Variants in CD46 observed in about 807,000 individuals in gnomAD.
The protein encoded by CD46 is membrane cofactor protein.
CD46 carries 30 observed loss-of-function variants against 53.3 expected under a neutral mutation model. The ratio of observed to expected loss-of-function variants is 0.56; its 90% CI spans 0.42 to 0.76. The LOEUF (loss-of-function observed/expected upper bound fraction) is 0.76, where lower values mean the gene tolerates loss of function less well. Among genes scored for constraint, CD46 ranks in the 30% least tolerant of loss-of-function variants. The probability of loss-of-function intolerance (pLI) is 0.00; values close to 1 mark genes in which losing one functional copy is unlikely to be tolerated. For missense variants in CD46, 409 were observed against 463.0 expected (o/e 0.88, Z 1.07); for synonymous variants, 142 against 152.0 (o/e 0.93, Z 0.48).
intron 9 of CD46, chr1:207,783,595 A>G: frequency 3.4e-6 from 1 of 290,214 alleles, no homozygotes; most frequent in Non-Finnish European, 6.5e-6. Flanking sequence ...AGTTGGGTTT[A>G]TTTTTTCTGT....
At position 207,783,902 on chromosome 1, in the gene CD46, A is replaced by G. The variant is rs41317973; in HGVS notation, c.982+572A>G. Among the ~76,000 whole-genome samples the G allele has an allele frequency of 2.5e-3, 386 of 152,330 alleles. 2 individuals carry two copies. Among genetic ancestry groups the G allele is most frequent in the African/African-American group, 9.0e-3 (376 of 41,586 alleles). ...ACTTGATAACTGTTTATGAGATGAG[A>G]AGAGCAGAGTTGAACATAGCACTTT... On this transcript the variant is annotated intron_variant, in intron 9 of 12. Transcript: ENST00000367042.
In CD46 at chr1:207,793,669, A is replaced by G. The variant is rs746786043; in HGVS notation, c.*192A>G. ...TCAATAGTTGTTATTCTGTAGTTTC[A>G]CTCTCATGAGTGCAACTGTGGCTTA... On this transcript the variant is annotated 3_prime_UTR_variant, in exon 13 of 13. Transcript: ENST00000367042. 41 of 1,227,012 alleles carry G rather than the reference A, an allele frequency of 3.3e-5. No individual in the cohort carries two copies. Among genetic ancestry groups the G allele is most frequent in the Middle Eastern group, 1.9e-4 (1 of 5,368 alleles). 76.0% of individuals were successfully genotyped at this position (1,227,012 alleles called of 1,614,324 possible). A position where few individuals can be genotyped will look rare whatever the true frequency, so the allele number is the denominator to read the frequency against.
rs1010304636 is a variant in CD46, at chr1:207,793,560, A to G, written c.*83A>G. 6.2e-7 allele frequency: 1 copy of G among 1,614,094 alleles called. No homozygotes were observed. Among genetic ancestry groups the G allele is most frequent in the African/African-American group, 1.3e-5 (1 of 75,046 alleles). ...GCTGAATATGCCACTTACCAGACTA[A>G]ATCAACCACTCCAGCAGAGCAGAGA... On this transcript the variant is annotated 3_prime_UTR_variant, in exon 13 of 13. Coordinates refer to ENST00000367042, the MANE Select transcript of CD46 (RefSeq NM_172351.3).
chr1:207,790,682 T>TTTAA (rs1428068600), intron 12 of CD46, among the ~76,000 whole-genome samples: 3 of 152,186 alleles, frequency 2.0e-5, no homozygotes, highest in African/African-American at 4.8e-5. Flanking sequence ...ATCAACTCAT[T>TTTAA]TTAAGTGCAA....
intron 8 of CD46, among the ~76,000 whole-genome samples, chr1:207,773,789 GT>G (rs1254586976): frequency 2.0e-5 from 3 of 152,186 alleles, no homozygotes; most frequent in Admixed American, 6.5e-5. Context: ...TTGCTGAGGA[GT>G]GTTTTCTACC....
At chr1:207,790,119 C>T in intron 11 of CD46, 134 bp from the exon 12 acceptor site, 2 of 684,360 alleles carry the variant, frequency 2.9e-6, no homozygotes, top group South Asian at 3.2e-5. Flanking sequence ...ATGAGAAAGT[C>T]TTAAGTTATG....
chr1:207,764,293 C>T (rs771273924), intron 5 of CD46, among the ~76,000 whole-genome samples: 63 of 152,138 alleles, frequency 4.1e-4, no homozygotes, highest in Non-Finnish European at 1.6e-4. Context: ...GAAATGCCTA[C>T]GTTGCTCTGT....
intron 8 of CD46, among the ~76,000 whole-genome samples, chr1:207,772,412 A>T (rs947227353): frequency 6.6e-6 from 1 of 152,056 alleles, no homozygotes; most frequent in Non-Finnish European, 1.5e-5. Context: ...TTGCCTGATC[A>T]CCCTGGCCAG....
At chr1:207,785,222 AT>A in intron 10 of CD46, 116 bp downstream of exon 10, 1 of 808,124 alleles carries the variant, frequency 1.2e-6, no homozygotes, top group Non-Finnish European at 2.1e-6. Context: ...GGTTAAACCG[AT>A]TTAGGAAAAC....
rs906902316 is a variant in CD46 at position 207,795,292 on chromosome 1, T to C, written c.*1815T>C. The C allele has an allele frequency of 6.6e-6, 1 of 152,190 alleles. No individual in the cohort carries two copies. The highest frequency in any genetic ancestry group is 2.4e-5 in the African/African-American group (1 of 41,456). The allele number at this position is 152,190 out of a possible 1,614,324, so 9.4% of individuals were successfully genotyped here. A position where few individuals can be genotyped will look rare whatever the true frequency, so the allele number is the denominator to read the frequency against. ...TTAGAGATCTATATATGTATAAATA[T>C]GTATTTTGTCAAATTTGTTACTTAA... On this transcript the variant is annotated 3_prime_UTR_variant, in exon 13 of 13. Transcript: ENST00000367042.
At chr1:207,755,563 G>A (rs1456031140) in intron 1 of CD46, among the ~76,000 whole-genome samples, 1 of 152,228 alleles carries the variant, frequency 6.6e-6, no homozygotes, top group East Asian at 1.9e-4. Flanking sequence ...CAGAAGAGGA[G>A]CTGCTTTTTT....
chr1:207,790,029 T>C (rs916451194), intron 11 of CD46, among the ~76,000 whole-genome samples: 1 of 152,218 alleles, frequency 6.6e-6, no homozygotes, highest in Non-Finnish European at 1.5e-5. Flanking sequence ...CCAGTCTGTT[T>C]ATCTGCTGGA....
At chr1:207,761,542 C>A in intron 5 of CD46, 96 bp downstream of exon 5, 1 of 923,448 alleles carries the variant, frequency 1.1e-6, no homozygotes, top group Non-Finnish European at 1.7e-6. Flanking sequence ...GGTGTATGTG[C>A]TTCCTCCTCC....
chr1:207,772,288 G>A lies in CD46; in HGVS notation c.943+1926G>A, dbSNP rs952972381. On this transcript the variant is annotated intron_variant, in intron 8 of 12. Transcript: ENST00000367042. ...CTTCGCTGAAGTTGTTTATCAGCTTGTGGAGATTTTGGGCTGAGACGATGG... is the reference window on the plus strand; with the variant it reads ...CTTCGCTGAAGTTGTTTATCAGCTTATGGAGATTTTGGGCTGAGACGATGG... Among the ~76,000 whole-genome samples, 6 of 152,178 alleles carry A rather than the reference G, an allele frequency of 3.9e-5. No homozygotes were observed. In the East Asian group the frequency reaches 1.2e-3, roughly 29 times the overall value.
At position 207,775,235 on chromosome 1, in the gene CD46, C is replaced by T. The variant is rs559791828; in HGVS notation, c.943+4873C>T. Among the ~76,000 whole-genome samples the T allele has an allele frequency of 1.4e-3, 212 of 152,294 alleles. 1 individual carries two copies. Among genetic ancestry groups the T allele is most frequent in the African/African-American group, 5.0e-3 (208 of 41,558 alleles). On this transcript the variant is annotated intron_variant, in intron 8 of 12. Transcript: ENST00000367042. ...GCCGTGGTTTTCAGCTCCATCATGT[C>T]ATTTAAGGTCTTCTCTACACTGTTT...
chr1:207,752,164 G>C lies in CD46; in HGVS notation c.-49G>C, dbSNP rs1446605551. On this transcript the variant is annotated 5_prime_UTR_variant, in exon 1 of 13. Coordinates refer to ENST00000367042, the MANE Select transcript of CD46 (RefSeq NM_172351.3). The surrounding 1 kb of genome is among the most constrained non-coding windows in gnomAD (Gnocchi z 4.1). ...GGACTTCCCTGCTCGGCTGGCTCTC[G>C]GTTTCTCTGCTTTCCTCCGGAGAAA... 6.4e-7 allele frequency: 1 copy of C among 1,565,712 alleles called. No homozygotes were observed. Among genetic ancestry groups the C allele is most frequent in the African/African-American group, 1.3e-5 (1 of 74,122 alleles).
intron 11 of CD46, among the ~76,000 whole-genome samples, chr1:207,787,988 C>G (rs1273041599): frequency 1.3e-5 from 2 of 152,166 alleles, no homozygotes; most frequent in Non-Finnish European, 2.9e-5. Context: ...GTCTAGTGAG[C>G]TCCCAGTGCT....
intron 8 of CD46, among the ~76,000 whole-genome samples, chr1:207,778,741 T>C (rs1441114889): frequency 6.6e-6 from 1 of 152,216 alleles, no homozygotes; most frequent in African/African-American, 2.4e-5. Flanking sequence ...CTTTGTTCTT[T>C]TTGCGTAAGA....
chr1:207,781,847 C>T (rs746953592), intron 8 of CD46, among the ~76,000 whole-genome samples: 1 of 151,926 alleles, frequency 6.6e-6, no homozygotes, highest in Non-Finnish European at 1.5e-5. Flanking sequence ...AAGTGTGAGC[C>T]TTCTCAACTT....
Sources: allele counts gnomAD v4.1 joint callset (sites outside exome capture counted in the v4.1 genomes callset), GRCh38; gene constraint gnomAD v4.1.1; non-coding constraint Gnocchi (gnomAD v3.1); transcripts MANE v1.5; gene names NCBI Gene and HGNC (gene_info 2026-07-23, HGNC 2026-07-21).